The following DEPDC4 variants were observed in gnomAD, a reference collection of about 807,000 sequenced individuals.
The protein encoded by DEPDC4 is DEP domain-containing protein 4.
In DEPDC4, 52 loss-of-function variants were observed where a neutral mutation model predicts 52.0. The ratio of observed to expected loss-of-function variants is 1.00; its 90% confidence interval spans 0.80 to 1.26. The LOEUF (loss-of-function observed/expected upper bound fraction) is 1.26, where lower values mean the gene tolerates loss of function less well. Ranked by LOEUF, DEPDC4 falls within the 50% of genes most tolerant of loss-of-function variation. The pLI, the probability that DEPDC4 is intolerant of heterozygous loss-of-function variation, is 0.00. For synonymous variants in DEPDC4, 201 were observed against 196.8 expected (o/e 1.02, Z -0.18); for missense variants, 530 against 546.9 (o/e 0.97, Z 0.31).
chr12:100,262,159 T>C lies in DEPDC4; in HGVS notation c.700+105A>G, dbSNP rs1389431663. 8.7e-6 allele frequency: 10 copies of C among 1,150,320 alleles called. No homozygotes were observed. The South Asian group carries it at 1.7e-4, about 19-fold the overall frequency. The allele number at this position is 1,150,320 out of a possible 1,614,324, so 71.3% of individuals were successfully genotyped here. The stretch of plus-strand genomic sequence containing the variant: ...AGCAAGGGGTATGTGGGAACTGTAC[T>C]TTCTGCTCTATTTTGCCGTGACCTT... On this transcript the variant is annotated intron_variant, in intron 3 of 9. Coordinates refer to ENST00000550587, the MANE Select transcript of DEPDC4 (RefSeq NM_001364818.2).
At chr12:100,262,480 A>T in intron 2 of DEPDC4, 71 bp from the exon 3 acceptor site, 1 of 1,205,456 alleles carries the variant, frequency 8.3e-7, no homozygotes, top group Non-Finnish European at 1.1e-6. Context: ...ATTTAAATTA[A>T]TGTATTAAAA....
upstream of DEPDC4, among the ~76,000 whole-genome samples, chr12:100,271,001 T>A (rs139503309): frequency 5.6e-4 from 85 of 152,238 alleles, no homozygotes; most frequent in African/African-American, 1.9e-3. Context: ...CTGTTCTGGC[T>A]TAACTATGTC....
At chr12:100,266,869 A>G (rs1438343604) in intron 1 of DEPDC4, 51 bp downstream of exon 1, 2 of 1,580,528 alleles carry the variant, frequency 1.3e-6, no homozygotes, top group African/African-American at 1.3e-5. Flanking sequence ...TGCTCCCTTC[A>G]GCTGCCCCCT....
At chr12:100,263,932 T>C (rs1159772167) in intron 1 of DEPDC4, 39 bp from the exon 2 acceptor site, 1 of 1,551,844 alleles carries the variant, frequency 6.4e-7, no homozygotes, top group Non-Finnish European at 8.7e-7. Context: ...CAAATCTAGA[T>C]TATACAAAAA....
At chr12:100,243,072 A>T (rs192290214) in intron 8 of DEPDC4, among the ~76,000 whole-genome samples, 2 of 152,310 alleles carry the variant, frequency 1.3e-5, no homozygotes, top group Non-Finnish European at 2.9e-5. Flanking sequence ...TTAATTAGGC[A>T]TCATAAGAGA....
At chr12:100,273,685 C>A in the DEPDC4 span, among the ~76,000 whole-genome samples, 1 of 152,150 alleles carries the variant, frequency 6.6e-6, no homozygotes, top group Non-Finnish European at 1.5e-5. Flanking sequence ...AGTCTTCCTC[C>A]CTTACATATC....
chr12:100,237,307 A>G (rs1002258001), downstream of DEPDC4, among the ~76,000 whole-genome samples: 2 of 151,194 alleles, frequency 1.3e-5, no homozygotes, highest in Non-Finnish European at 1.5e-5. Context: ...TCCCAAGTTC[A>G]AGTGATTCTC....
rs942044663 is a variant in DEPDC4 at position 100,241,793 on chromosome 12, T to G, written c.*99A>C. On this transcript the variant is annotated 3_prime_UTR_variant, in exon 10 of 10. Coordinates refer to ENST00000550587, the MANE Select transcript of DEPDC4 (RefSeq NM_001364818.2). ...ACTGGTGTAGATACTGAATTGTCCT[T>G]CCCTTCTGCTTTTCAAACTCCTTGT... is the stretch of plus-strand genomic sequence containing the variant. 7.9e-7 allele frequency: 1 copy of G among 1,258,986 alleles called. No homozygotes were observed. Among genetic ancestry groups the G allele is most frequent in the Non-Finnish European group, 1.0e-6 (1 of 974,488 alleles). The allele number at this position is 1,258,986 out of a possible 1,614,324, so 78.0% of individuals were successfully genotyped here.
intron 8 of DEPDC4, among the ~76,000 whole-genome samples, chr12:100,244,294 C>A (rs1285498740): frequency 6.6e-6 from 1 of 151,388 alleles, no homozygotes; most frequent in Non-Finnish European, 1.5e-5. Flanking sequence ...CAGTCTCCTG[C>A]CTCAGCCCCC....
At chr12:100,232,771 T>A (rs1213222288) in intron 9 of DEPDC4, among the ~76,000 whole-genome samples, 1 of 152,092 alleles carries the variant, frequency 6.6e-6, no homozygotes, top group Non-Finnish European at 1.5e-5. Flanking sequence ...TAATCCCAGC[T>A]ACTTGGGAGT....
At chr12:100,235,723 C>T (rs1158345326), downstream of DEPDC4, among the ~76,000 whole-genome samples, 13 of 152,000 alleles carry the variant, frequency 8.6e-5, no homozygotes, top group African/African-American at 2.4e-4. Context: ...TACAGGTGCC[C>T]GCCACTGCGC....
At chr12:100,245,378 T>C (rs1258606684) in intron 8 of DEPDC4, among the ~76,000 whole-genome samples, 2 of 152,142 alleles carry the variant, frequency 1.3e-5, no homozygotes, top group African/African-American at 4.8e-5. Context: ...GCAATTCTCA[T>C]GCCTCAGCCT....
At chr12:100,279,866 G>A in the DEPDC4 span, among the ~76,000 whole-genome samples, 1 of 152,374 alleles carries the variant, frequency 6.6e-6, no homozygotes, top group Admixed American at 6.5e-5. Context: ...GCATAAGCAT[G>A]TGTGGGACCA....
the DEPDC4 span, among the ~76,000 whole-genome samples, chr12:100,277,019 G>T: frequency 1.3e-5 from 2 of 151,860 alleles, no homozygotes; most frequent in African/African-American, 4.8e-5. Context: ...TAAAAGCGTT[G>T]ATTAATTTCC....
At chr12:100,269,701 T>C (rs897742705), upstream of DEPDC4, among the ~76,000 whole-genome samples, 2 of 152,194 alleles carry the variant, frequency 1.3e-5, no homozygotes, top group African/African-American at 4.8e-5. Context: ...AGAATTGGCA[T>C]TTGAACTCAG....
intron 8 of DEPDC4, among the ~76,000 whole-genome samples, chr12:100,243,295 C>T (rs2096167993): frequency 6.6e-6 from 1 of 152,082 alleles, no homozygotes; most frequent in African/African-American, 2.4e-5. Context: ...TTTAGAATCT[C>T]CTGCTTTATG....
intron 3 of DEPDC4, among the ~76,000 whole-genome samples, chr12:100,259,402 T>C (rs2096246114): frequency 6.6e-6 from 1 of 152,308 alleles, no homozygotes; most frequent in South Asian, 2.1e-4. Flanking sequence ...GGAGTGTTTG[T>C]AGGTGAAAAT....
chr12:100,261,776 G>A (rs1236701991), intron 3 of DEPDC4: 1 of 456,672 alleles, frequency 2.2e-6, no homozygotes, highest in Non-Finnish European at 4.4e-6. Flanking sequence ...CTCCTACAGG[G>A]AAGAGAAGGA....
rs2096154652 is a variant in DEPDC4 at position 100,240,606 on chromosome 12, G to C, written c.*1286C>G. ...AAGCAGGCAAGAAAAAAGTGAAAGAGCTGGAAAGAGAGAGAGAAAGAGGAA... is the reference window on the plus strand; with the variant it reads ...AAGCAGGCAAGAAAAAAGTGAAAGACCTGGAAAGAGAGAGAGAAAGAGGAA... On this transcript the variant is annotated 3_prime_UTR_variant, in exon 10 of 10. Coordinates refer to ENST00000550587, the MANE Select transcript of DEPDC4 (RefSeq NM_001364818.2). Among the ~76,000 whole-genome samples the C allele has an allele frequency of 6.6e-6, 1 of 151,728 alleles. No individual in the cohort carries two copies.
Sources: allele counts gnomAD v4.1 joint callset (sites outside exome capture counted in the v4.1 genomes callset), GRCh38; gene constraint gnomAD v4.1.1; transcripts MANE v1.5; gene names NCBI Gene and HGNC (gene_info 2026-07-23, HGNC 2026-07-21).